Variants in AATF observed in about 807,000 individuals in gnomAD.
AATF encodes protein AATF.
AATF carries 48 observed loss-of-function variants against 63.7 expected under a neutral mutation model. The observed-to-expected ratio is 0.75, with a 90% confidence interval of 0.60 to 0.96. The LOEUF (loss-of-function observed/expected upper bound fraction) is 0.96, where lower values mean the gene tolerates loss of function less well. Among genes scored for constraint, AATF ranks in the 40% least tolerant of loss-of-function variants. The probability of loss-of-function intolerance (pLI) is 0.00; values close to 1 mark genes in which losing one functional copy is unlikely to be tolerated. For missense variants in AATF, 639 were observed against 685.7 expected (o/e 0.93, Z 0.76); for synonymous variants, 258 against 247.7 (o/e 1.04, Z -0.39).
Position 36,954,393 on chromosome 17 carries a change from C to A in AATF, c.832+486C>A, listed in dbSNP as rs78859099. 3.3e-4 allele frequency among the ~76,000 whole-genome samples: 50 copies of A among 152,248 alleles called. No homozygotes were observed. The East Asian group carries it at 9.4e-3, about 29-fold the overall frequency. ...TACTGAGCCTGGCCCTGAGTTAATT[C>A]TTTAAAGCTCAGGGGACACTGGTTG... On this transcript the variant is annotated intron_variant, in intron 4 of 11. Coordinates refer to ENST00000619387, the MANE Select transcript of AATF (RefSeq NM_012138.4).
At chr17:36,999,330 TTGAG>T (rs1294181705) in intron 8 of AATF, 1 of 152,240 alleles carries the variant, frequency 6.6e-6, no homozygotes, top group South Asian at 2.1e-4. Flanking sequence ...TGTGTATTTA[TTGAG>T]TAACTACTGT....
At chr17:36,974,878 T>A (rs904817512) in intron 4 of AATF, among the ~76,000 whole-genome samples, 1 of 152,206 alleles carries the variant, frequency 6.6e-6, no homozygotes, top group Non-Finnish European at 1.5e-5. Context: ...TCTCCTTTTT[T>A]TTGCTTTAAT....
intron 11 of AATF, among the ~76,000 whole-genome samples, chr17:37,032,205 T>G (rs1419862086): frequency 3.3e-5 from 5 of 152,234 alleles, no homozygotes; most frequent in Non-Finnish European, 5.9e-5. Flanking sequence ...TAGTTTCTTC[T>G]GTATCTATTA....
chr17:37,004,068 G>A (rs972509774), intron 8 of AATF, among the ~76,000 whole-genome samples: 37 of 151,948 alleles, frequency 2.4e-4, no homozygotes, highest in Admixed American at 6.6e-4. Flanking sequence ...GGTGGCTCCC[G>A]CCTGTAATCC....
At position 37,028,218 on chromosome 17, in the gene AATF, C is replaced by T. The variant is rs934514924; in HGVS notation, c.1548-3396C>T. Among the ~76,000 whole-genome samples, 6 of 151,886 alleles carry T rather than the reference C, an allele frequency of 4.0e-5. No homozygotes were observed. The East Asian group carries it at 1.2e-3, about 29-fold the overall frequency. On this transcript the variant is annotated intron_variant, in intron 10 of 11. Coordinates refer to ENST00000619387, the MANE Select transcript of AATF (RefSeq NM_012138.4). ...CTTGAATTTAGGAATTTGAGACCAG[C>T]CTGGACAACATAGCAAGACCCTCTC...
Position 37,036,604 on chromosome 17 carries a change from T to TA in AATF, c.1619+4930dup, listed in dbSNP as rs973485649. Among the ~76,000 whole-genome samples the TA allele has an allele frequency of 7.1e-3, 1,055 of 147,664 alleles. 10 individuals are homozygous for TA. The highest frequency in any genetic ancestry group is 0.022 in the African/African-American group (878 of 40,514). ...TTTCTCTTCAAGCGATCTATTTTTTTAAAAAAAAAAACCTTTTAAAATGCA... is the reference window on the plus strand; with the variant it reads ...TTTCTCTTCAAGCGATCTATTTTTTTAAAAAAAAAAAACCTTTTAAAATGCA... On this transcript the variant is annotated intron_variant, in intron 11 of 11. Coordinates refer to ENST00000619387, the MANE Select transcript of AATF (RefSeq NM_012138.4).
intron 1 of AATF, 76 bp downstream of exon 1, chr17:36,949,292 G>A: frequency 7.1e-7 from 1 of 1,416,002 alleles, no homozygotes; most frequent in Non-Finnish European, 9.5e-7. Flanking sequence ...GCGTGGGAGG[G>A]GCGTGCGCGA....
At chr17:37,051,705 C>T (rs932954492) in intron 11 of AATF, among the ~76,000 whole-genome samples, 1 of 148,418 alleles carries the variant, frequency 6.7e-6, no homozygotes, top group Non-Finnish European at 1.5e-5. Flanking sequence ...CAGACACACA[C>T]ACACACACAC....
At chr17:37,054,619 T>C (rs573095254) in intron 11 of AATF, 1 of 152,264 alleles carries the variant, frequency 6.6e-6, no homozygotes, top group Non-Finnish European at 1.5e-5. Flanking sequence ...CACTCTCTGC[T>C]CCTGACACGT....
At chr17:37,051,356 A>G (rs2071747587) in intron 11 of AATF, 1 of 152,188 alleles carries the variant, frequency 6.6e-6, no homozygotes. Context: ...CAGTGCTGCA[A>G]GCTACTGACC....
intron 4 of AATF, among the ~76,000 whole-genome samples, chr17:36,974,325 G>A (rs529782676): frequency 4.6e-5 from 7 of 151,986 alleles, no homozygotes; most frequent in East Asian, 1.9e-4. Context: ...TTGTTCTATA[G>A]CATTATTTTT....
intron 11 of AATF, among the ~76,000 whole-genome samples, chr17:37,048,550 T>C (rs2071716304): frequency 6.6e-6 from 1 of 152,008 alleles, no homozygotes; most frequent in Admixed American, 6.6e-5. Flanking sequence ...TTTGTATTTT[T>C]AGTAGAGACG....
chr17:37,019,274 A>G (rs191948224), intron 9 of AATF, among the ~76,000 whole-genome samples: 29 of 152,286 alleles, frequency 1.9e-4, no homozygotes, highest in African/African-American at 6.7e-4. Flanking sequence ...TAAAACACCT[A>G]TGTGTTTGTT....
At chr17:37,011,500 G>A (rs1214542452) in intron 8 of AATF, among the ~76,000 whole-genome samples, 1 of 152,228 alleles carries the variant, frequency 6.6e-6, no homozygotes, top group Non-Finnish European at 1.5e-5. Context: ...GATATTGGGT[G>A]TAAGGGAAGA....
intron 11 of AATF, among the ~76,000 whole-genome samples, chr17:37,040,325 G>T (rs147870302): frequency 1.1e-4 from 16 of 152,236 alleles, no homozygotes; most frequent in Middle Eastern, 6.8e-3. Context: ...CCTTCGCTCT[G>T]ATTTATCCAC....
intron 4 of AATF, among the ~76,000 whole-genome samples, chr17:36,984,716 A>G (rs2142242384): frequency 6.6e-6 from 1 of 152,002 alleles, no homozygotes; most frequent in Non-Finnish European, 1.5e-5. Context: ...GTTCACTGTA[A>G]CTTCAAACTC....
chr17:37,045,611 C>T (rs893765748), intron 11 of AATF: 1 of 152,270 alleles, frequency 6.6e-6, no homozygotes, highest in South Asian at 2.1e-4. Flanking sequence ...TACACATTTT[C>T]TCATACACAC....
At chr17:37,051,504 T>C (rs1359502363) in intron 11 of AATF, among the ~76,000 whole-genome samples, 1 of 152,176 alleles carries the variant, frequency 6.6e-6, no homozygotes, top group Non-Finnish European at 1.5e-5. Flanking sequence ...AAGGAACATA[T>C]TTGGGTCCAC....
At chr17:37,010,990 G>A (rs1164379608) in intron 8 of AATF, among the ~76,000 whole-genome samples, 1 of 152,208 alleles carries the variant, frequency 6.6e-6, no homozygotes, top group Non-Finnish European at 1.5e-5. Context: ...CAAAAATGGA[G>A]GGACAAGAGT....
Sources: allele counts gnomAD v4.1 joint callset (sites outside exome capture counted in the v4.1 genomes callset), GRCh38; gene constraint gnomAD v4.1.1; transcripts MANE v1.5; gene names NCBI Gene and HGNC (gene_info 2026-07-23, HGNC 2026-07-21).